The following GPC3 variants were observed in gnomAD, a reference collection of about 807,000 sequenced individuals.
GPC3 encodes glypican-3.
In GPC3, 3 loss-of-function variants were observed where a neutral mutation model predicts 34.4. The ratio of observed to expected loss-of-function variants is 0.09; its 90% CI spans 0.04 to 0.23. The LOEUF is 0.23. Ranked by LOEUF, GPC3 falls within the 10% of genes least tolerant of loss-of-function variation. The pLI, the probability that GPC3 is intolerant of heterozygous loss-of-function variation, is 1.00. For synonymous variants in GPC3, 177 were observed against 174.0 expected, an observed-to-expected ratio of 1.02 and a Z score of -0.13; for missense variants, 351 against 445.6, an observed-to-expected ratio of 0.79 and a Z score of 1.91.
intron 6 of GPC3, among the ~76,000 whole-genome samples, chrX:133,610,928 C>T (rs779335689): frequency 9.4e-6 from 1 of 106,660 alleles, no homozygotes; most frequent in Admixed American, 1.0e-4. Flanking sequence ...TCACCTCCCC[C>T]CAACCCCGAC....
intron 2 of GPC3, among the ~76,000 whole-genome samples, chrX:133,918,879 A>G (rs1366472421): frequency 1.8e-5 from 2 of 112,292 alleles, no homozygotes; most frequent in Non-Finnish European, 3.8e-5. Flanking sequence ...AGACTATTAA[A>G]GCAGTCTTAT....
chrX:133,953,896 A>G (rs1266585278), intron 1 of GPC3, among the ~76,000 whole-genome samples: 1 of 112,400 alleles, frequency 8.9e-6, no homozygotes, highest in Non-Finnish European at 1.9e-5. Context: ...TAATGTCAAA[A>G]GGTGATAAAT....
intron 1 of GPC3, among the ~76,000 whole-genome samples, chrX:133,970,512 G>A (rs2095203618): frequency 1.2e-5 from 1 of 85,486 alleles, no homozygotes. Flanking sequence ...CTGGCTTAAG[G>A]GAGTTTGGAT....
chrX:133,671,038 T>C (rs1453633191), intron 5 of GPC3: 3 of 552,171 alleles, frequency 5.4e-6, no homozygotes, highest in Admixed American at 2.3e-5. Context: ...GGGAAACAAA[T>C]GGTCATTGAT....
At chrX:133,920,161 C>CAA (rs776900070) in intron 2 of GPC3, among the ~76,000 whole-genome samples, 3 of 84,043 alleles carry the variant, frequency 3.6e-5, no homozygotes, top group Admixed American at 1.3e-4. Context: ...AAGATCCTGT[C>CAA]AAAAAAAAAA....
intron 2 of GPC3, among the ~76,000 whole-genome samples, chrX:133,868,014 A>G (rs2267517): frequency 0.35 from 38,183 of 108,232 alleles, 6,807 homozygotes; most frequent in African/African-American, 0.68. Flanking sequence ...ATAAAACCCC[A>G]TATTCACCCT....
chrX:133,781,253 T>G (rs2124502912), intron 2 of GPC3, among the ~76,000 whole-genome samples: 1 of 112,028 alleles, frequency 8.9e-6, no homozygotes, highest in Admixed American at 9.4e-5. Context: ...ACTTCAAAAG[T>G]AAATCCACTT....
intron 2 of GPC3, among the ~76,000 whole-genome samples, chrX:133,886,359 A>G (rs2076061745): frequency 9.1e-6 from 1 of 110,182 alleles, no homozygotes; most frequent in African/African-American, 3.3e-5. Flanking sequence ...TAAAAAAAAA[A>G]AAAAAGGTAG....
intron 2 of GPC3, among the ~76,000 whole-genome samples, chrX:133,930,570 T>C (rs779437721): frequency 8.9e-5 from 10 of 112,786 alleles, no homozygotes; most frequent in Admixed American, 9.4e-5. Context: ...TTCAAGTCTA[T>C]AAGAAATGCC....
At chrX:133,579,963 T>A (rs1412915395) in intron 7 of GPC3, among the ~76,000 whole-genome samples, 2 of 112,885 alleles carry the variant, frequency 1.8e-5, no homozygotes, top group Non-Finnish European at 3.7e-5. Flanking sequence ...GTGCTTTATG[T>A]ATATTACAGA....
At chrX:133,601,079 A>G (rs2069975821) in intron 6 of GPC3, among the ~76,000 whole-genome samples, 1 of 112,078 alleles carries the variant, frequency 8.9e-6, no homozygotes, top group Non-Finnish European at 1.9e-5. Flanking sequence ...CCTTAGTGGA[A>G]GTGCACAAGG....
In GPC3 at chrX:133,696,848, CAGTT is replaced by C. The variant is rs748161320; in HGVS notation, c.1166+3043_1166+3046del. Among the ~76,000 whole-genome samples the C allele has an allele frequency of 2.0e-3, 224 of 112,864 alleles. 4 individuals are homozygous for C. Among genetic ancestry groups the C allele is most frequent in the African/African-American group, 6.9e-3 (216 of 31,132 alleles). On this transcript the variant is annotated intron_variant, in intron 4 of 7. Coordinates refer to ENST00000370818, the MANE Select transcript of GPC3 (RefSeq NM_004484.4). ...CAAAAATTCTGATGCCTACAGCTCT[CAGTT>C]AGACAAATCCAACATTTGCTTACGA...
intron 5 of GPC3, among the ~76,000 whole-genome samples, chrX:133,680,477 C>T (rs776105748): frequency 9.0e-5 from 10 of 111,656 alleles, no homozygotes; most frequent in Admixed American, 1.9e-4. Context: ...AAGATCTCAG[C>T]GGGCAAAAAA....
intron 3 of GPC3, among the ~76,000 whole-genome samples, chrX:133,735,833 T>C (rs1468354045): frequency 9.2e-6 from 1 of 108,746 alleles, no homozygotes; most frequent in Non-Finnish European, 1.9e-5. Context: ...TGTGGTGGTG[T>C]GTGCCTGTAG....
At chrX:133,645,102 C>T (rs2070527623) in intron 6 of GPC3, among the ~76,000 whole-genome samples, 1 of 111,687 alleles carries the variant, frequency 9.0e-6, no homozygotes. Flanking sequence ...TTCTTATTAA[C>T]ATTTTTATGT....
At chrX:133,955,710 GA>G (rs199914361) in intron 1 of GPC3, among the ~76,000 whole-genome samples, 4 of 108,481 alleles carry the variant, frequency 3.7e-5, no homozygotes, top group Admixed American at 2.0e-4. Context: ...AAGGTAGAAT[GA>G]AAAAAAAATG....
chrX:133,807,196 G>A (rs2075640820), intron 2 of GPC3, among the ~76,000 whole-genome samples: 1 of 110,623 alleles, frequency 9.0e-6, no homozygotes, highest in Admixed American at 9.6e-5. Flanking sequence ...TCACAGTAAT[G>A]AGTGAGTTCT....
chrX:133,923,484 T>C (rs1287556458), intron 2 of GPC3, among the ~76,000 whole-genome samples: 3 of 111,576 alleles, frequency 2.7e-5, no homozygotes, highest in Admixed American at 1.9e-4. Flanking sequence ...GTCTTCCTGA[T>C]CACTGGGAAG....
intron 3 of GPC3, among the ~76,000 whole-genome samples, chrX:133,714,071 T>C (rs2071293875): frequency 8.9e-6 from 1 of 112,088 alleles, no homozygotes; most frequent in Non-Finnish European, 1.9e-5. Flanking sequence ...GCAGCTTCCA[T>C]ATTGTAACTA....
Sources: allele counts gnomAD v4.1 joint callset (sites outside exome capture counted in the v4.1 genomes callset), GRCh38; gene constraint gnomAD v4.1.1; transcripts MANE v1.5; gene names NCBI Gene and HGNC (gene_info 2026-07-23, HGNC 2026-07-21).